Variants in LRBA observed in about 807,000 individuals in gnomAD.
The protein encoded by LRBA is lipopolysaccharide-responsive and beige-like anchor protein.
A neutral mutation model predicts 330.0 loss-of-function variants in LRBA; 176 were observed. That is an observed-to-expected ratio of 0.53 (90% CI 0.47 to 0.60). The LOEUF is 0.60. Among genes scored for constraint, LRBA ranks in the 20% least tolerant of loss-of-function variants. The pLI is 0.00. For missense variants in LRBA, 3,259 were observed against 3,444.8 expected, an observed-to-expected ratio of 0.95 and a Z score of 1.35; for synonymous variants, 1,230 against 1,193.0, an observed-to-expected ratio of 1.03 and a Z score of -0.64.
At chr4:150,968,868 T>A (rs147466209) in intron 2 of LRBA, among the ~76,000 whole-genome samples, 1 of 152,316 alleles carries the variant, frequency 6.6e-6, no homozygotes, top group East Asian at 1.9e-4. Context: ...ACAGGCAGAC[T>A]CTACTGTTAG....
At chr4:150,422,767 C>A in intron 46 of LRBA, 1 of 1,358,228 alleles carries the variant, frequency 7.4e-7, no homozygotes, top group Non-Finnish European at 1.0e-6. Flanking sequence ...TGGTGGCCAG[C>A]TGGGCACTGT....
At chr4:150,350,863 C>T (rs534182799) in intron 47 of LRBA, among the ~76,000 whole-genome samples, 5 of 152,232 alleles carry the variant, frequency 3.3e-5, no homozygotes, top group East Asian at 3.9e-4. Flanking sequence ...AATTTACCAT[C>T]CACTTGAAAT....
intron 47 of LRBA, among the ~76,000 whole-genome samples, chr4:150,402,897 C>T (rs555585890): frequency 2.6e-5 from 4 of 152,126 alleles, no homozygotes; most frequent in African/African-American, 9.6e-5. Context: ...ATGTGGCAAT[C>T]CTCTTCTTCC....
chr4:150,377,970 C>CAAA lies in LRBA; in HGVS notation c.7195-27814_7195-27812dup, dbSNP rs5862918. Among the ~76,000 whole-genome samples, 267 of 130,996 alleles carry CAAA rather than the reference C, an allele frequency of 2.0e-3. 4 individuals are homozygous for CAAA. The highest frequency in any genetic ancestry group is 6.2e-3 in the African/African-American group (214 of 34,386). The allele number at this position is 130,996 out of a possible 152,430, so 85.9% of individuals were successfully genotyped here. Reference sequence around the variant, plus strand: ...TGGGGGACAGAGTGAGACTCTGTCTCAAAAAAAAAAAAAAAATGCCTTGTC... The same window carrying CAAA: ...TGGGGGACAGAGTGAGACTCTGTCTCAAAAAAAAAAAAAAAAAAATGCCTTGTC... On this transcript the variant is annotated intron_variant, in intron 47 of 56. Transcript: ENST00000651943.
intron 4 of LRBA, among the ~76,000 whole-genome samples, chr4:150,926,774 T>C (rs748821968): frequency 6.6e-6 from 1 of 152,136 alleles, no homozygotes. Flanking sequence ...AAGAACCAAA[T>C]AGAATTTACA....
intron 36 of LRBA, chr4:150,721,170 A>T (rs1349085670): frequency 1.7e-6 from 1 of 572,848 alleles, no homozygotes; most frequent in Non-Finnish European, 3.4e-6. Context: ...ATTTGGTTAC[A>T]TGATAGATAC....
At chr4:150,588,262 T>TA in intron 39 of LRBA, 78 bp from the exon 40 acceptor site, 1 of 1,456,810 alleles carries the variant, frequency 6.9e-7, no homozygotes, top group South Asian at 1.4e-5. Context: ...AAATTGTATT[T>TA]AATCTTTTCA....
intron 47 of LRBA, among the ~76,000 whole-genome samples, chr4:150,406,966 G>A (rs1322503604): frequency 2.6e-5 from 4 of 152,144 alleles, no homozygotes; most frequent in Admixed American, 2.6e-4. Context: ...ATTTTTAGTA[G>A]AGATGGGGTT....
rs368551241 is a variant in LRBA at position 150,589,072 on chromosome 4, CAGAG to C, written c.6194-892_6194-889del. 8.7e-5 allele frequency among the ~76,000 whole-genome samples: 13 copies of C among 148,744 alleles called. No individual in the cohort carries two copies. The East Asian group carries it at 9.8e-4, about 11-fold the overall frequency. On this transcript the variant is annotated intron_variant, in intron 39 of 56. Coordinates refer to ENST00000651943, the MANE Select transcript of LRBA (RefSeq NM_001364905.1). ...ACACACACACACACACACACACACA[CAGAG>C]AGAGAGAGATCGACGTAGAAAGAAT... is the stretch of plus-strand genomic sequence containing the variant.
intron 56 of LRBA, among the ~76,000 whole-genome samples, chr4:150,276,587 AAAC>A (rs1746795237): frequency 6.6e-6 from 1 of 152,164 alleles, no homozygotes; most frequent in Admixed American, 6.5e-5. Context: ...TACAAGAAAA[AAAC>A]AACCCCATCA....
At chr4:150,862,466 G>A (rs2126963510) in intron 22 of LRBA, among the ~76,000 whole-genome samples, 1 of 152,134 alleles carries the variant, frequency 6.6e-6, no homozygotes, top group Non-Finnish European at 1.5e-5. Context: ...ACTCATAGGT[G>A]GGAATTGAAC....
intron 41 of LRBA, among the ~76,000 whole-genome samples, chr4:150,488,950 T>C (rs1758235264): frequency 7.5e-6 from 1 of 132,898 alleles, no homozygotes; most frequent in Admixed American, 9.0e-5. Context: ...AGAATATATA[T>C]AACATATAAT....
intron 48 of LRBA, among the ~76,000 whole-genome samples, chr4:150,347,633 G>A (rs1373104714): frequency 1.7e-5 from 2 of 120,394 alleles, no homozygotes; most frequent in Admixed American, 8.7e-5. Context: ...GTGAAAGAGC[G>A]AGACTCTGTC....
intron 2 of LRBA, among the ~76,000 whole-genome samples, chr4:151,005,579 A>G (rs1743965439): frequency 8.2e-6 from 1 of 122,068 alleles, no homozygotes; most frequent in Non-Finnish European, 1.6e-5. Context: ...TTTTGGAGAC[A>G]GAGTCTTGCT....
At chr4:150,926,592 A>G (rs764081972) in intron 4 of LRBA, among the ~76,000 whole-genome samples, 1 of 152,212 alleles carries the variant, frequency 6.6e-6, no homozygotes, top group Non-Finnish European at 1.5e-5. Flanking sequence ...AGTAGCCATA[A>G]GCAGCAGAAA....
At chr4:150,438,281 A>C (rs1216482818) in intron 44 of LRBA, among the ~76,000 whole-genome samples, 1 of 152,162 alleles carries the variant, frequency 6.6e-6, no homozygotes, top group Admixed American at 6.6e-5. Context: ...CAGGAGTTCA[A>C]GACCAGCCTG....
chr4:151,003,024 ATGTGTGTGTGTATGTGTTTGCG>A, intron 2 of LRBA, among the ~76,000 whole-genome samples: 1 of 135,098 alleles, frequency 7.4e-6, no homozygotes, highest in African/African-American at 2.6e-5. Context: ...AAAAAAAAAT[ATGTGTGTGTGTATGTGTTTGCG>A]TGTGTGTGTG....
chr4:150,715,773 A>C (rs1030319320), intron 36 of LRBA, among the ~76,000 whole-genome samples: 1 of 152,230 alleles, frequency 6.6e-6, no homozygotes, highest in Non-Finnish European at 1.5e-5. Context: ...ACAATTACTA[A>C]TAGAACCCAA....
intron 36 of LRBA, among the ~76,000 whole-genome samples, chr4:150,692,117 G>A (rs996103080): frequency 6.6e-6 from 1 of 152,122 alleles, no homozygotes; most frequent in African/African-American, 2.4e-5. Context: ...TAAAATCACA[G>A]ATATACACCT....
Sources: gnomAD v4.1 joint callset for allele counts (sites outside exome capture counted in the v4.1 genomes callset) on GRCh38, gnomAD v4.1.1 for gene constraint, MANE v1.5 for transcripts, NCBI Gene and HGNC (gene_info 2026-07-23, HGNC 2026-07-21) for gene names.